Variants in XKR4 observed in about 807,000 individuals in gnomAD.
XKR4 encodes the protein XK-related protein 4.
In XKR4, 12 loss-of-function variants were observed where a neutral mutation model predicts 53.9. That is an observed-to-expected ratio of 0.22 (90% CI 0.14 to 0.36). XKR4 has a LOEUF of 0.36. Ranked by LOEUF, XKR4 falls within the 10% of genes least tolerant of loss-of-function variation. The probability of loss-of-function intolerance (pLI) is 1.00; values close to 1 mark genes in which losing one functional copy is unlikely to be tolerated. For synonymous variants in XKR4, 354 were observed against 362.4 expected (o/e 0.98, Z 0.26); for missense variants, 799 against 859.5 (o/e 0.93, Z 0.88).
chr8:55,127,264 T>A (rs75096855), intron 1 of XKR4, among the ~76,000 whole-genome samples: 4,580 of 150,942 alleles, frequency 0.03, 105 homozygotes, highest in African/African-American at 0.061. Context: ...TCATTTTTTT[T>A]AATTTTGAGA....
chr8:55,281,286 C>T (rs912657066), intron 1 of XKR4, among the ~76,000 whole-genome samples: 1 of 152,196 alleles, frequency 6.6e-6, no homozygotes, highest in Non-Finnish European at 1.5e-5. Flanking sequence ...CCTCTGACCT[C>T]AACTGAGTTG....
In XKR4 at chr8:55,290,002, CA is replaced by C. The variant is rs200772802; in HGVS notation, c.807-67675del. The stretch of plus-strand genomic sequence containing the variant: ...TTTTTGCATCCTCACTGGTATTTGG[CA>C]TTGTCATTGTTTTTTAATTTTAGTC... On this transcript the variant is annotated intron_variant, in intron 1 of 2. Transcript: ENST00000327381. Among the ~76,000 whole-genome samples the C allele has an allele frequency of 4.2e-3, 640 of 152,064 alleles. 9 individuals are homozygous for C. The highest frequency in any genetic ancestry group is 0.014 in the African/African-American group (595 of 41,498).
intron 1 of XKR4, among the ~76,000 whole-genome samples, chr8:55,125,461 C>T (rs532758748): frequency 3.3e-5 from 5 of 152,190 alleles, no homozygotes; most frequent in South Asian, 2.1e-4. Flanking sequence ...CTCAAACTCC[C>T]GACCTCAGGT....
intron 1 of XKR4, among the ~76,000 whole-genome samples, chr8:55,220,741 C>T (rs1201802565): frequency 1.3e-5 from 2 of 152,220 alleles, no homozygotes; most frequent in Non-Finnish European, 2.9e-5. Context: ...AGAAGCTGAG[C>T]CCTCCATTCT....
At chr8:55,366,708 C>T (rs570102923) in intron 2 of XKR4, among the ~76,000 whole-genome samples, 1 of 152,296 alleles carries the variant, frequency 6.6e-6, no homozygotes, top group African/African-American at 2.4e-5. Context: ...TATGTCCTGC[C>T]TTTCCTCTGA....
intron 2 of XKR4, among the ~76,000 whole-genome samples, chr8:55,361,866 C>G (rs1803914087): frequency 6.6e-6 from 1 of 152,154 alleles, no homozygotes; most frequent in Non-Finnish European, 1.5e-5. Context: ...CACTCTTAGC[C>G]TGTCTAGTTC....
At chr8:55,472,017 G>A (rs1320132629) in intron 2 of XKR4, among the ~76,000 whole-genome samples, 5 of 152,278 alleles carry the variant, frequency 3.3e-5, no homozygotes, top group African/African-American at 4.8e-5. Flanking sequence ...GCATACAGGA[G>A]AATAAATCTA....
At chr8:55,192,563 A>G (rs1206829214) in intron 1 of XKR4, among the ~76,000 whole-genome samples, 1 of 152,184 alleles carries the variant, frequency 6.6e-6, no homozygotes, top group Non-Finnish European at 1.5e-5. Context: ...AGCCATGTGA[A>G]TAACAGGAGA....
Position 55,103,108 on chromosome 8 carries a change from C to G in XKR4, c.620C>G (p.Ala207Gly), listed in dbSNP as rs764611135. ...GGGSAAGEGE[A>G]RPSTPQRQAS... ...GGGTCTGCAGCCGGGGAAGGCGAGG[C>G]TCGTCCTTCCACGCCGCAAAGGCAA... Residue 207 changes from alanine (A) to glycine (G), a missense_variant, in exon 1 of 3, where the codon GCT (alanine) becomes GGT (glycine). By Grantham distance (60) the Ala-to-Gly change is moderately conservative. Coordinates refer to ENST00000327381, the MANE Select transcript of XKR4 (RefSeq NM_052898.2). The G allele has an allele frequency of 6.2e-7, 1 of 1,613,356 alleles. No individual in the cohort carries two copies. The highest frequency in any genetic ancestry group is 1.7e-5 in the Admixed American group (1 of 60,016).
At chr8:55,103,851 G>GTATGTA (rs1816096019) in intron 1 of XKR4, among the ~76,000 whole-genome samples, 2 of 106,018 alleles carry the variant, frequency 1.9e-5, no homozygotes, top group African/African-American at 3.5e-5. Flanking sequence ...AAATGACTTT[G>GTATGTA]TATATATATA....
intron 2 of XKR4, among the ~76,000 whole-genome samples, chr8:55,517,996 G>A (rs940950469): frequency 5.3e-5 from 8 of 152,182 alleles, no homozygotes; most frequent in Non-Finnish European, 1.2e-4. Context: ...CTCTGAGAGT[G>A]CAAACTTTGG....
chr8:55,289,745 AAG>A (rs1818985447), intron 1 of XKR4, among the ~76,000 whole-genome samples: 3 of 141,656 alleles, frequency 2.1e-5, no homozygotes, highest in Non-Finnish European at 3.0e-5. Flanking sequence ...AAGAAAGAAA[AAG>A]AAAGAAAGAA....
At chr8:55,333,598 C>CT (rs1308499548) in intron 1 of XKR4, among the ~76,000 whole-genome samples, 1 of 152,098 alleles carries the variant, frequency 6.6e-6, no homozygotes, top group Non-Finnish European at 1.5e-5. Context: ...CCTCAGGTAT[C>CT]TGTGGGTGTG....
At chr8:55,330,884 G>T (rs897063624) in intron 1 of XKR4, among the ~76,000 whole-genome samples, 1 of 152,072 alleles carries the variant, frequency 6.6e-6, no homozygotes, top group Non-Finnish European at 1.5e-5. Context: ...ACAATGATCT[G>T]CATTTTGTAC....
At chr8:55,472,409 A>G (rs925445814) in intron 2 of XKR4, among the ~76,000 whole-genome samples, 2 of 152,138 alleles carry the variant, frequency 1.3e-5, no homozygotes, top group African/African-American at 2.4e-5. Context: ...TCTATTTTTA[A>G]AAATAAGTGA....
chr8:55,480,908 G>C (rs893054858), intron 2 of XKR4, among the ~76,000 whole-genome samples: 12 of 152,040 alleles, frequency 7.9e-5, no homozygotes, highest in South Asian at 4.1e-4. Flanking sequence ...AGGATACAAA[G>C]AAATGGAAGA....
chr8:55,164,305 C>G (rs1294518253), intron 1 of XKR4: 14 of 455,278 alleles, frequency 3.1e-5, no homozygotes, highest in South Asian at 2.2e-4. Flanking sequence ...GGGCAGGATG[C>G]TGTCAGCTAT....
At chr8:55,225,976 C>T (rs759759334) in intron 1 of XKR4, among the ~76,000 whole-genome samples, 8 of 152,146 alleles carry the variant, frequency 5.3e-5, no homozygotes, top group Non-Finnish European at 1.2e-4. Context: ...GTTTTAGGAC[C>T]CTTGCCTCTG....
intron 1 of XKR4, among the ~76,000 whole-genome samples, chr8:55,319,866 T>C (rs527497479): frequency 6.6e-6 from 1 of 152,312 alleles, no homozygotes; most frequent in South Asian, 2.1e-4. Flanking sequence ...ATGAAATTCA[T>C]GTGCATCTGA....
Sources: allele counts gnomAD v4.1 joint callset (sites outside exome capture counted in the v4.1 genomes callset), GRCh38; gene constraint gnomAD v4.1.1; transcripts MANE v1.5; gene names NCBI Gene and HGNC (gene_info 2026-07-23, HGNC 2026-07-21).